The following SLC24A2 variants were observed in gnomAD, a reference collection of about 807,000 sequenced individuals.
SLC24A2 encodes the protein sodium/potassium/calcium exchanger 2.
SLC24A2 carries 36 observed loss-of-function variants against 62.0 expected under a neutral mutation model. That is an observed-to-expected ratio of 0.58 (90% CI 0.44 to 0.77). The LOEUF (loss-of-function observed/expected upper bound fraction) is 0.77. Ranked by LOEUF, SLC24A2 falls within the 30% of genes least tolerant of loss-of-function variation. The pLI is 0.00. For synonymous variants in SLC24A2, 358 were observed against 294.0 expected (o/e 1.22, Z -2.23); for missense variants, 846 against 817.9 (o/e 1.03, Z -0.42).
the SLC24A2 span, among the ~76,000 whole-genome samples, chr9:20,076,732 A>G: frequency 1.2e-3 from 187 of 152,140 alleles, 1 homozygote; most frequent in East Asian, 0.019. Flanking sequence ...AAAGGGGCAG[A>G]TGGAGAAAAG....
the SLC24A2 span, among the ~76,000 whole-genome samples, chr9:20,082,484 T>C: frequency 3.3e-5 from 5 of 152,252 alleles, no homozygotes; most frequent in Non-Finnish European, 7.3e-5. Context: ...CCAAATCCAC[T>C]ATTCTCATCG....
chr9:20,200,792 T>G, the SLC24A2 span, among the ~76,000 whole-genome samples: 1 of 152,172 alleles, frequency 6.6e-6, no homozygotes, highest in Non-Finnish European at 1.5e-5. Context: ...ATAGCCTCAT[T>G]GGTAGCTGTA....
the SLC24A2 span, among the ~76,000 whole-genome samples, chr9:20,192,198 A>G: frequency 1.3e-5 from 2 of 152,190 alleles, no homozygotes. Flanking sequence ...CAAAGACTCT[A>G]AAAGAAGCCA....
chr9:19,816,271 A>T, the SLC24A2 span, among the ~76,000 whole-genome samples: 2 of 151,960 alleles, frequency 1.3e-5, no homozygotes, highest in African/African-American at 2.4e-5. Context: ...ATCCCCTAGG[A>T]TCTTAGAGTC....
chr9:19,703,412 T>G (rs901380227), intron 2 of SLC24A2, among the ~76,000 whole-genome samples: 1 of 152,154 alleles, frequency 6.6e-6, no homozygotes, highest in African/African-American at 2.4e-5. Context: ...AGGGCTTAGA[T>G]GAAGCACACT....
intron 2 of SLC24A2, among the ~76,000 whole-genome samples, chr9:19,636,962 T>C (rs1818374333): frequency 6.6e-6 from 1 of 152,202 alleles, no homozygotes; most frequent in African/African-American, 2.4e-5. Context: ...AAATACTAAT[T>C]GGAATAATTA....
chr9:20,288,035 G>A, the SLC24A2 span, among the ~76,000 whole-genome samples: 12,979 of 41,948 alleles, frequency 0.31, 1,561 homozygotes, highest in African/African-American at 0.56. Flanking sequence ...GAGGAGTTAG[G>A]AAAAAAACAC....
the SLC24A2 span, among the ~76,000 whole-genome samples, chr9:19,922,623 A>G: frequency 1.3e-5 from 2 of 152,198 alleles, no homozygotes; most frequent in African/African-American, 4.8e-5. Flanking sequence ...CCTGCTTCAC[A>G]GGAGGGATTG....
intron 2 of SLC24A2, among the ~76,000 whole-genome samples, chr9:19,639,030 T>C (rs966611909): frequency 9.9e-5 from 15 of 152,218 alleles, no homozygotes; most frequent in African/African-American, 3.6e-4. Flanking sequence ...TCAATCATTA[T>C]CATCCCAGAT....
Position 19,512,440 on chromosome 9 carries a change from G to A in SLC24A2, c.*3713C>T, listed in dbSNP as rs1172150103. ...AGGGTATAAACAACCCTATCCCTTA[G>A]TCCCTGCATATATCATTGCTCTGTC... On this transcript the variant is annotated 3_prime_UTR_variant, in exon 11 of 11. Coordinates refer to ENST00000341998, the MANE Select transcript of SLC24A2 (RefSeq NM_020344.4). 2 of 152,226 alleles carry A rather than the reference G, an allele frequency of 1.3e-5. No homozygotes were observed. Among genetic ancestry groups the A allele is most frequent in the Non-Finnish European group, 2.9e-5 (2 of 68,066 alleles). The allele number at this position is 152,226 out of a possible 1,614,324, so 9.4% of individuals were successfully genotyped here. A position where few individuals can be genotyped will look rare whatever the true frequency, so the allele number is the denominator to read the frequency against.
chr9:20,027,684 A>G, the SLC24A2 span, among the ~76,000 whole-genome samples: 1 of 152,162 alleles, frequency 6.6e-6, no homozygotes, highest in Non-Finnish European at 1.5e-5. Flanking sequence ...GTGTTTGTCA[A>G]GGGATATATG....
chr9:19,949,644 T>G, the SLC24A2 span, among the ~76,000 whole-genome samples: 85 of 152,308 alleles, frequency 5.6e-4, 1 homozygote, highest in African/African-American at 2.0e-3. Context: ...ATGACTAAGT[T>G]TGGCTAATGA....
chr9:19,832,153 T>C, the SLC24A2 span, among the ~76,000 whole-genome samples: 1 of 152,344 alleles, frequency 6.6e-6, no homozygotes, highest in Middle Eastern at 3.4e-3. Flanking sequence ...AGGCAGAATC[T>C]AATTGCCTCA....
intron 2 of SLC24A2, among the ~76,000 whole-genome samples, chr9:19,665,854 T>C (rs1284811360): frequency 2.0e-5 from 3 of 152,112 alleles, no homozygotes; most frequent in African/African-American, 7.2e-5. Flanking sequence ...GGTTTTTCCA[T>C]GTTGCCCAGA....
At chr9:20,219,188 T>C in the SLC24A2 span, among the ~76,000 whole-genome samples, 1 of 152,176 alleles carries the variant, frequency 6.6e-6, no homozygotes, top group African/African-American at 2.4e-5. Context: ...TGTTAACACA[T>C]GTGGCAGAGG....
At chr9:19,657,385 T>G (rs1309879033) in intron 2 of SLC24A2, among the ~76,000 whole-genome samples, 1 of 152,196 alleles carries the variant, frequency 6.6e-6, no homozygotes, top group Non-Finnish European at 1.5e-5. Context: ...GTTTTTATTT[T>G]TTATTCATTT....
chr9:19,954,294 G>C, the SLC24A2 span, among the ~76,000 whole-genome samples: 1 of 152,066 alleles, frequency 6.6e-6, no homozygotes, highest in Non-Finnish European at 1.5e-5. Flanking sequence ...TCTAGCTATG[G>C]AAATAAGATA....
rs1837063933 is a variant in SLC24A2 at position 19,608,823 on chromosome 9, C to T, written c.1078+10761G>A. The stretch of plus-strand genomic sequence containing the variant: ...ACACACACACACACACGCATAGACA[C>T]TCGCACATACCTAGCACCCCTCGAC... On this transcript the variant is annotated intron_variant, in intron 4 of 10. Coordinates refer to ENST00000341998, the MANE Select transcript of SLC24A2 (RefSeq NM_020344.4). Among the ~76,000 whole-genome samples the T allele has an allele frequency of 3.9e-5, 6 of 152,166 alleles. No individual in the cohort carries two copies. The South Asian group carries it at 1.2e-3, about 32-fold the overall frequency.
At chr9:20,134,481 A>T in the SLC24A2 span, among the ~76,000 whole-genome samples, 1 of 151,944 alleles carries the variant, frequency 6.6e-6, no homozygotes, top group Non-Finnish European at 1.5e-5. Context: ...AGCAGAGTTG[A>T]GGCCATTGGG....
Sources: allele counts gnomAD v4.1 joint callset (sites outside exome capture counted in the v4.1 genomes callset), GRCh38; gene constraint gnomAD v4.1.1; transcripts MANE v1.5; gene names NCBI Gene and HGNC (gene_info 2026-07-23, HGNC 2026-07-21).